Variants in PCLO observed in about 807,000 individuals in gnomAD.
PCLO encodes protein piccolo.
Under a neutral mutation model 427.5 loss-of-function variants are expected in PCLO, and 82 were observed. The observed-to-expected ratio is 0.19, with a 90% CI of 0.16 to 0.23. The LOEUF (loss-of-function observed/expected upper bound fraction) is 0.23. PCLO is among the 10% of genes least tolerant of loss of function. The pLI, the probability that PCLO is intolerant of heterozygous loss-of-function variation, is 1.00. For missense variants in PCLO, 6,239 were observed against 6,115.9 expected, an observed-to-expected ratio of 1.02 and a Z score of -0.67; for synonymous variants, 2,357 against 2,155.4, an observed-to-expected ratio of 1.09 and a Z score of -2.59.
chr7:83,135,090 G>T lies in PCLO; in HGVS notation c.2460C>A (p.Ala820=). The change falls in exon 3 of 25, where the codon GCC becomes GCA. Residue 820 remains alanine (A), a synonymous_variant. Transcript: ENST00000333891. ...GEKVSPFDSK[A]IPRPASDSKI... is the part of the protein sequence containing the mutation. ...TTGAATCTGATGCAGGTCGAGGTAT[G>T]GCTTTAGAATCAAATGGGCTGACTT... 1 of 1,613,926 alleles carries T rather than the reference G, an allele frequency of 6.2e-7. No individual in the cohort carries two copies. The highest frequency in any genetic ancestry group is 8.5e-7 in the Non-Finnish European group (1 of 1,179,860).
intron 6 of PCLO, among the ~76,000 whole-genome samples, chr7:82,943,699 G>T (rs1162788728): frequency 6.6e-6 from 1 of 151,976 alleles, no homozygotes; most frequent in Non-Finnish European, 1.5e-5. Flanking sequence ...AAAGAGAAAG[G>T]GTGTAAGGAA....
chr7:82,787,073 A>C (rs536191595), intron 22 of PCLO, among the ~76,000 whole-genome samples: 10 of 152,222 alleles, frequency 6.6e-5, no homozygotes, highest in Non-Finnish European at 1.3e-4. Context: ...TTATAGGAGA[A>C]TGATTTATAA....
intron 14 of PCLO, among the ~76,000 whole-genome samples, chr7:82,840,506 G>A (rs1584034215): frequency 6.6e-6 from 1 of 152,070 alleles, no homozygotes; most frequent in East Asian, 1.9e-4. Flanking sequence ...ATTATGTAGT[G>A]GCTAACATTC....
intron 3 of PCLO, among the ~76,000 whole-genome samples, chr7:83,063,320 A>T (rs553698103): frequency 2.4e-3 from 371 of 152,050 alleles, no homozygotes; most frequent in African/African-American, 8.3e-3. Context: ...TCACATTGGA[A>T]CTCAAATCTG....
Position 82,953,835 on chromosome 7 carries a change from G to A in PCLO, c.7118C>T (p.Ala2373Val). The change falls in exon 5 of 25, where the codon GCA (alanine) becomes GTA (valine). Residue 2373 changes from alanine to valine, a missense_variant. Around this residue, in one of 5 missense-constraint regions of PCLO, gnomAD observed 4,677 missense variants for 4,468.4 expected, o/e 1.05. Transcript: ENST00000333891. Reference sequence around the variant, plus strand: ...AGGACTGCCAGATGGTAACTGAGATGCAGGTTTTTCCTGACCAAAGGTCTC... The same window carrying A: ...AGGACTGCCAGATGGTAACTGAGATACAGGTTTTTCCTGACCAAAGGTCTC... Reference protein sequence around the residue: ...SGETFGQEKPASQLPSGSPSV... With the variant: ...SGETFGQEKPVSQLPSGSPSV... The A allele has an allele frequency of 6.2e-7, 1 of 1,612,776 alleles. No individual in the cohort carries two copies. Among genetic ancestry groups the A allele is most frequent in the East Asian group, 2.2e-5 (1 of 44,788 alleles).
chr7:83,130,305 G>C (rs182137036), intron 3 of PCLO, among the ~76,000 whole-genome samples: 51 of 152,168 alleles, frequency 3.4e-4, no homozygotes, highest in Admixed American at 2.6e-3. Context: ...TCAGCTTCCT[G>C]AGTAGCTAGG....
chr7:83,141,548 TGA>T (rs1791862003), intron 2 of PCLO, among the ~76,000 whole-genome samples: 9 of 152,348 alleles, frequency 5.9e-5, no homozygotes, highest in Non-Finnish European at 1.3e-4. Context: ...GGTAAGAAGA[TGA>T]TCAGACAGGA....
At chr7:82,878,452 G>A (rs1018143614) in intron 10 of PCLO, among the ~76,000 whole-genome samples, 1 of 152,000 alleles carries the variant, frequency 6.6e-6, no homozygotes, top group African/African-American at 2.4e-5. Flanking sequence ...AAATAAAAAG[G>A]TTGCATTTAC....
rs553865368 is a variant in PCLO, at chr7:83,139,177, C to A, written c.1894-3521G>T. 7.9e-5 allele frequency among the ~76,000 whole-genome samples: 12 copies of A among 151,620 alleles called. No homozygotes were observed. In the East Asian group the frequency reaches 2.1e-3, roughly 27 times the overall value. ...AACACATAGAAGAAATAAATTTAAA[C>A]CTTCACAAAAAATAAAGTACAATGA... On this transcript the variant is annotated intron_variant, in intron 2 of 24. Transcript: ENST00000333891.
At chr7:82,940,149 A>G (rs965873378) in intron 6 of PCLO, among the ~76,000 whole-genome samples, 3 of 152,224 alleles carry the variant, frequency 2.0e-5, no homozygotes, top group African/African-American at 4.8e-5. Flanking sequence ...TGGATAATCA[A>G]TGAAATCTGA....
chr7:82,824,468 A>G, intron 18 of PCLO, 52 bp from the exon 19 acceptor site: 1 of 1,155,916 alleles, frequency 8.7e-7, no homozygotes, highest in Non-Finnish European at 1.2e-6. Context: ...AGTATAATTG[A>G]TTCATTACTT....
chr7:82,971,633 T>C (rs773241566), intron 3 of PCLO, among the ~76,000 whole-genome samples: 1 of 147,894 alleles, frequency 6.8e-6, no homozygotes, highest in Non-Finnish European at 1.5e-5. Flanking sequence ...ATATATATGA[T>C]AAAATTTCAT....
chr7:82,796,684 C>T (rs781324652), intron 22 of PCLO, among the ~76,000 whole-genome samples: 13 of 150,668 alleles, frequency 8.6e-5, no homozygotes, highest in Admixed American at 1.3e-4. Flanking sequence ...ATTAAAGCCC[C>T]TTCTCAGGAT....
Position 83,134,378 on chromosome 7 carries a change from T to C in PCLO, c.3172A>G (p.Thr1058Ala). 1 of 1,613,636 alleles carries C rather than the reference T, an allele frequency of 6.2e-7. No homozygotes were observed. Among genetic ancestry groups the C allele is most frequent in the South Asian group, 1.1e-5 (1 of 91,028 alleles). ...KLEKSPKPES[T>A]CPLCKTELNI... is the part of the protein sequence containing the mutation. ...AGTTCAGTTTTGCAGAGAGGACAGG[T>C]TGATTCTGGTTTGGGCGATTTCTCC... is the stretch of plus-strand genomic sequence containing the variant. Residue 1058 changes from threonine to alanine, a missense_variant, in exon 3 of 25, where the codon ACC becomes GCC. Thr to Ala is a moderately conservative substitution (Grantham distance 58). Coordinates refer to ENST00000333891, the MANE Select transcript of PCLO (RefSeq NM_033026.6).
intron 3 of PCLO, among the ~76,000 whole-genome samples, chr7:83,107,866 G>A (rs1269397629): frequency 6.6e-6 from 1 of 151,066 alleles, no homozygotes; most frequent in Non-Finnish European, 1.5e-5. Context: ...GTGCACACCT[G>A]TAGTCCCAGC....
chr7:82,949,875 T>A lies in PCLO; in HGVS notation c.10713A>T (p.Ala3571=). Residue 3571 remains alanine (A), a synonymous_variant, in exon 6 of 25, where the codon GCA becomes GCT. Coordinates refer to ENST00000333891, the MANE Select transcript of PCLO (RefSeq NM_033026.6). Reference sequence around the variant, plus strand: ...ATTGAGGACTTTGTGTGTCTGAATCTGCTTCTGTTTGACATCCTAAACTGC... The same window carrying A: ...ATTGAGGACTTTGTGTGTCTGAATCAGCTTCTGTTTGACATCCTAAACTGC... ...KGGSLGCQTE[A]DSDTQSPQYL... is the part of the protein sequence containing the mutation. The A allele has an allele frequency of 6.2e-7, 1 of 1,613,818 alleles. No homozygotes were observed.
rs1032155828 is a variant in PCLO at position 82,992,206 on chromosome 7, C to CT, written c.3301-25720dup. Among the ~76,000 whole-genome samples, 36 of 152,114 alleles carry CT rather than the reference C, an allele frequency of 2.4e-4. 1 individual carries two copies. Among genetic ancestry groups the CT allele is most frequent in the African/African-American group, 8.7e-4 (36 of 41,538 alleles). On this transcript the variant is annotated intron_variant, in intron 3 of 24. Coordinates refer to ENST00000333891, the MANE Select transcript of PCLO (RefSeq NM_033026.6). ...TCCCACACCATTGGAACTATGTGTC[C>CT]TAGTATCTCTGGCCTTTGTTCCACA...
In PCLO at chr7:82,953,195, T is replaced by C; in HGVS notation, c.7758A>G (p.Pro2586=). 1.9e-6 allele frequency: 3 copies of C among 1,613,964 alleles called. No individual in the cohort carries two copies. Among genetic ancestry groups the C allele is most frequent in the Middle Eastern group, 1.6e-4 (1 of 6,062 alleles). The change falls in exon 5 of 25, where the codon CCA becomes CCG. Residue 2586 remains proline, a synonymous_variant. Coordinates refer to ENST00000333891, the MANE Select transcript of PCLO (RefSeq NM_033026.6). The part of the protein sequence containing the change: ...LTETYVVITL[P]SEPGTPTDSS... Reference sequence around the variant, plus strand: ...AATCTGTTGGAGTCCCTGGTTCAGATGGCAATGTAATAACTACATAAGTTT... The same window carrying C: ...AATCTGTTGGAGTCCCTGGTTCAGACGGCAATGTAATAACTACATAAGTTT...
chr7:82,926,183 C>A (rs1243176832), intron 6 of PCLO, among the ~76,000 whole-genome samples: 1 of 152,072 alleles, frequency 6.6e-6, no homozygotes, highest in Non-Finnish European at 1.5e-5. Flanking sequence ...GAAAACAAGA[C>A]CATCAAATTC....
Sources: gnomAD v4.1 joint callset for allele counts (sites outside exome capture counted in the v4.1 genomes callset) on GRCh38, gnomAD v4.1.1 for gene constraint, gnomAD v4.1.1 regional missense constraint, MANE v1.5 for transcripts, NCBI Gene and HGNC (gene_info 2026-07-23, HGNC 2026-07-21) for gene names.